The following ANKRD12 variants were observed in gnomAD, a reference collection of about 807,000 sequenced individuals.
ANKRD12 encodes ankyrin repeat domain 12.
ANKRD12 carries 85 observed loss-of-function variants against 183.4 expected under a neutral mutation model. That is an observed-to-expected ratio of 0.46 (90% CI 0.39 to 0.56). The LOEUF (loss-of-function observed/expected upper bound fraction) is 0.56, where lower values mean the gene tolerates loss of function less well. ANKRD12 is among the 20% of genes least tolerant of loss of function. The probability of loss-of-function intolerance (pLI) is 0.00; values close to 1 mark genes in which losing one functional copy is unlikely to be tolerated. For missense variants in ANKRD12, 2,405 were observed against 2,357.1 expected (o/e 1.02, Z -0.42); for synonymous variants, 914 against 800.2 (o/e 1.14, Z -2.40).
At chr18:9,152,305 T>TA (rs2078709386) in intron 1 of ANKRD12, among the ~76,000 whole-genome samples, 1 of 152,230 alleles carries the variant, frequency 6.6e-6, no homozygotes, top group Admixed American at 6.5e-5. Context: ...AATAAAAAGA[T>TA]ACCTTTAGTG....
intron 1 of ANKRD12, among the ~76,000 whole-genome samples, chr18:9,157,550 G>GGGGT (rs1555707775): frequency 9.6e-5 from 11 of 114,592 alleles, no homozygotes; most frequent in African/African-American, 3.6e-4. Flanking sequence ...GGTGTGTGTG[G>GGGGT]GTGTGTGTGT....
chr18:9,257,189 C>G lies in ANKRD12; in HGVS notation c.3922C>G (p.Arg1308Gly), dbSNP rs766734820. Reference sequence around the variant, plus strand: ...CGAGGGGAGACCTACCATAGAAGTTCGAAGATGTAGCATGCCTTCTGTCAT... The same window carrying G: ...CGAGGGGAGACCTACCATAGAAGTTGGAAGATGTAGCATGCCTTCTGTCAT... ...ISEGRPTIEV[R>G]RCSMPSVICE... Residue 1308 changes from arginine (R) to glycine (G), a missense_variant, in exon 9 of 13, where the codon CGA becomes GGA. Around this residue, in one of 7 missense-constraint regions of ANKRD12, gnomAD observed 1,983 missense variants for 1,725.9 expected, o/e 1.15. Coordinates refer to ENST00000262126, the MANE Select transcript of ANKRD12 (RefSeq NM_015208.5). 4 of 1,613,960 alleles carry G rather than the reference C, an allele frequency of 2.5e-6. No homozygotes were observed. The highest frequency in any genetic ancestry group is 1.3e-5 in the African/African-American group (1 of 74,894).
intron 3 of ANKRD12, among the ~76,000 whole-genome samples, chr18:9,196,830 A>C (rs1230189704): frequency 2.0e-5 from 3 of 152,074 alleles, no homozygotes; most frequent in Non-Finnish European, 4.4e-5. Context: ...GGTTTCTTTG[A>C]GAGATTCAGA....
chr18:9,178,276 A>C (rs1259014824), intron 1 of ANKRD12, among the ~76,000 whole-genome samples: 1 of 151,926 alleles, frequency 6.6e-6, no homozygotes, highest in Non-Finnish European at 1.5e-5. Context: ...TTTATGATGC[A>C]TTTTGAGGCT....
In ANKRD12 at chr18:9,257,226, C is replaced by T. The variant is rs778006043; in HGVS notation, c.3959C>T (p.Thr1320Ile). Residue 1320 changes from threonine to isoleucine, a missense_variant, in exon 9 of 13, where the codon ACC becomes ATC. Thr to Ile is a moderately conservative substitution (Grantham distance 89). Transcript: ENST00000262126. ...ATGCCTTCTGTCATTTGTGAACATA[C>T]CAAACAATTCCAAACAATATCAGAA... ...CSMPSVICEH[T>I]KQFQTISEES... 3.1e-6 allele frequency: 5 copies of T among 1,613,992 alleles called. No homozygotes were observed. Among genetic ancestry groups the T allele is most frequent in the South Asian group, 1.1e-5 (1 of 91,078 alleles).
chr18:9,230,239 C>T (rs2036964507), intron 8 of ANKRD12, among the ~76,000 whole-genome samples: 3 of 152,124 alleles, frequency 2.0e-5, no homozygotes. Flanking sequence ...GGACTGTATC[C>T]ATTCCCTCTA....
rs1422396352 is a variant in ANKRD12, at chr18:9,184,196, AATAAG to A, written c.87+1679_87+1683del. 2.0e-5 allele frequency among the ~76,000 whole-genome samples: 3 copies of A among 152,336 alleles called. No homozygotes were observed. In the East Asian group the frequency reaches 5.8e-4, roughly 29 times the overall value. ...GATACAAAATGTTATCTTTTAAAGA[AATAAG>A]AGAAATCAATGTTTATGTAGTTTCA... On this transcript the variant is annotated intron_variant, in intron 2 of 12. Coordinates refer to ENST00000262126, the MANE Select transcript of ANKRD12 (RefSeq NM_015208.5).
intron 2 of ANKRD12, among the ~76,000 whole-genome samples, chr18:9,186,140 T>TTTTTTTTTTTTTTTTTTTTTTG (rs1403723317): frequency 6.8e-6 from 1 of 146,534 alleles, no homozygotes; most frequent in Non-Finnish European, 1.5e-5. Context: ...AAGTGTGATT[T>TTTTTTTTTTTTTTTTTTTTTTG]TTTTTTTTTT....
intron 10 of ANKRD12, among the ~76,000 whole-genome samples, chr18:9,272,673 C>T (rs938812826): frequency 3.3e-5 from 5 of 152,084 alleles, no homozygotes; most frequent in African/African-American, 9.7e-5. Flanking sequence ...TTTAGGAAGA[C>T]GCATCTGGCT....
In ANKRD12 at chr18:9,254,838, C is replaced by G. The variant is rs199503455; in HGVS notation, c.1571C>G (p.Ser524Cys). 246 of 1,492,088 alleles carry G rather than the reference C, an allele frequency of 1.6e-4. No individual in the cohort carries two copies. The highest frequency in any genetic ancestry group is 2.1e-4 in the Non-Finnish European group (240 of 1,124,068). 92.4% of individuals were successfully genotyped at this position (1,492,088 alleles called of 1,614,324 possible). Residue 524 changes from serine (S) to cysteine (C), a missense_variant, in exon 9 of 13, where the codon TCT becomes TGT. Physicochemically the swap from Ser to Cys is moderately radical, Grantham distance 112. Transcript: ENST00000262126. ...KTREEGNFRKSFSPKDDTSLH... is the reference protein window; with the variant it reads ...KTREEGNFRKCFSPKDDTSLH... Reference sequence around the variant, plus strand: ...AGAGAGGAGGGGAACTTTAGGAAATCTTTTAGCCCAAAAGATGATACTTCA... The same window carrying G: ...AGAGAGGAGGGGAACTTTAGGAAATGTTTTAGCCCAAAAGATGATACTTCA...
chr18:9,216,638 C>CTTTTTTTTT, intron 6 of ANKRD12, 120 bp from the exon 7 acceptor site: 3 of 949,554 alleles, frequency 3.2e-6, no homozygotes, highest in African/African-American at 1.7e-5. Context: ...TTCATCACTC[C>CTTTTTTTTT]TTTTTTTTTG....
At chr18:9,143,612 C>T (rs1436869839) in intron 1 of ANKRD12, among the ~76,000 whole-genome samples, 2 of 152,186 alleles carry the variant, frequency 1.3e-5, no homozygotes, top group African/African-American at 4.8e-5. Flanking sequence ...AGGCGCTTGC[C>T]ACCACGCCTG....
At chr18:9,280,606 T>C (rs984990249) in intron 12 of ANKRD12, among the ~76,000 whole-genome samples, 9 of 152,262 alleles carry the variant, frequency 5.9e-5, no homozygotes, top group Non-Finnish European at 8.8e-5. Flanking sequence ...CCGGCCGACA[T>C]GGTGAAACCC....
intron 3 of ANKRD12, among the ~76,000 whole-genome samples, chr18:9,201,443 T>C (rs1282007231): frequency 1.3e-5 from 2 of 152,222 alleles, no homozygotes; most frequent in Non-Finnish European, 2.9e-5. Flanking sequence ...TCTTTTGTTA[T>C]GAAAAATGCC....
chr18:9,150,395 A>T (rs2078647132), intron 1 of ANKRD12, among the ~76,000 whole-genome samples: 1 of 152,172 alleles, frequency 6.6e-6, no homozygotes. Context: ...GTAGAAATGG[A>T]TCTATGTTAT....
chr18:9,266,227 C>T (rs1344584973), intron 10 of ANKRD12, among the ~76,000 whole-genome samples: 4 of 152,168 alleles, frequency 2.6e-5, no homozygotes, highest in Admixed American at 2.6e-4. Flanking sequence ...CCCAATCTAG[C>T]AAGGCAGACC....
intron 1 of ANKRD12, among the ~76,000 whole-genome samples, chr18:9,178,665 C>T (rs1332712445): frequency 6.6e-6 from 1 of 152,070 alleles, no homozygotes; most frequent in African/African-American, 2.4e-5. Context: ...AACAATTTGT[C>T]AGTTTCCATA....
In ANKRD12 at chr18:9,257,489, T is replaced by C. The variant is rs986268481; in HGVS notation, c.4222T>C (p.Ser1408Pro). The stretch of plus-strand genomic sequence containing the variant: ...GGACAGTCCAGTGCATTTAGAGCCA[T>C]CTAGTCAGGTTGGTGTGATCCAGAA... Reference protein sequence around the residue: ...VMDSPVHLEPSSQVGVIQNKS... With the variant: ...VMDSPVHLEPPSQVGVIQNKS... The change falls in exon 9 of 13, where the codon TCT (serine) becomes CCT (proline). Residue 1408 changes from serine (S) to proline (P), a missense_variant. Transcript: ENST00000262126. 1 of 1,614,096 alleles carries C rather than the reference T, an allele frequency of 6.2e-7. No homozygotes were observed. The highest frequency in any genetic ancestry group is 8.5e-7 in the Non-Finnish European group (1 of 1,179,998).
intron 1 of ANKRD12, among the ~76,000 whole-genome samples, chr18:9,177,089 A>G (rs1205252631): frequency 6.6e-6 from 1 of 152,230 alleles, no homozygotes; most frequent in East Asian, 1.9e-4. Context: ...AACAAAGTCT[A>G]CAGTAGAGCT....
Sources: gnomAD v4.1 joint callset for allele counts (sites outside exome capture counted in the v4.1 genomes callset) on GRCh38, gnomAD v4.1.1 for gene constraint, gnomAD v4.1.1 regional missense constraint, MANE v1.5 for transcripts, NCBI Gene and HGNC (gene_info 2026-07-23, HGNC 2026-07-21) for gene names.